Variants in RALGPS2 observed in about 807,000 individuals in gnomAD.
The protein encoded by RALGPS2 is ras-specific guanine nucleotide-releasing factor RalGPS2.
In RALGPS2, 43 loss-of-function variants were observed where a neutral mutation model predicts 86.8. The observed-to-expected ratio is 0.50, with a 90% CI of 0.39 to 0.64. The LOEUF (loss-of-function observed/expected upper bound fraction) is 0.64, where lower values mean the gene tolerates loss of function less well. Among genes scored for constraint, RALGPS2 ranks in the 30% least tolerant of loss-of-function variants. The pLI, the probability that RALGPS2 is intolerant of heterozygous loss-of-function variation, is 0.00. For missense variants in RALGPS2, 536 were observed against 694.6 expected, an observed-to-expected ratio of 0.77 and a Z score of 2.57; for synonymous variants, 243 against 231.3, an observed-to-expected ratio of 1.05 and a Z score of -0.46.
intron 17 of RALGPS2, among the ~76,000 whole-genome samples, 174 bp from the exon 18 acceptor site, chr1:178,901,932 G>T (rs1448191781): frequency 2.0e-5 from 3 of 152,046 alleles, no homozygotes; most frequent in African/African-American, 7.2e-5. Context: ...TCTGAAGAAG[G>T]CATGCCTAGG....
chr1:178,880,270 A>G (rs1428386412), intron 10 of RALGPS2, among the ~76,000 whole-genome samples: 1 of 152,214 alleles, frequency 6.6e-6, no homozygotes, highest in Admixed American at 6.5e-5. Flanking sequence ...AATTTTGTAG[A>G]ACAGAATTAG....
At chr1:178,788,595 CA>C (rs1653782938) in intron 4 of RALGPS2, among the ~76,000 whole-genome samples, 1 of 151,946 alleles carries the variant, frequency 6.6e-6, no homozygotes, top group South Asian at 2.1e-4. Flanking sequence ...GTATTCCAGG[CA>C]AAGGGAAAGT....
At chr1:178,906,017 C>G (rs747863774) in intron 18 of RALGPS2, among the ~76,000 whole-genome samples, 1 of 152,024 alleles carries the variant, frequency 6.6e-6, no homozygotes, top group South Asian at 2.1e-4. Flanking sequence ...TACTGAATAG[C>G]TAGTGTTTAA....
intron 4 of RALGPS2, among the ~76,000 whole-genome samples, chr1:178,787,884 C>A (rs895129326): frequency 6.6e-6 from 1 of 152,118 alleles, no homozygotes; most frequent in African/African-American, 2.4e-5. Flanking sequence ...GCTTTTTTAC[C>A]CAGTAGCCAT....
chr1:178,908,214 C>A (rs141562253), intron 19 of RALGPS2, among the ~76,000 whole-genome samples: 1 of 152,298 alleles, frequency 6.6e-6, no homozygotes, highest in African/African-American at 2.4e-5. Flanking sequence ...TGGATTAATT[C>A]ACTTAATGGT....
In RALGPS2 at chr1:178,918,522, G is replaced by T. The variant is rs998911613; in HGVS notation, c.*2163G>T. On this transcript the variant is annotated 3_prime_UTR_variant, in exon 20 of 20. Transcript: ENST00000367635. ...AGTTTTGCCAAAGGGAGAGAGCTAA[G>T]CTGGAAGATGTTTTTGATACTTTCG... The T allele has an allele frequency of 6.6e-6, 1 of 152,114 alleles. No homozygotes were observed. Among genetic ancestry groups the T allele is most frequent in the African/African-American group, 2.4e-5 (1 of 41,446 alleles). 9.4% of individuals were successfully genotyped at this position (152,114 alleles called of 1,614,324 possible).
At chr1:178,776,265 G>C (rs1653078360) in intron 1 of RALGPS2, among the ~76,000 whole-genome samples, 1 of 152,120 alleles carries the variant, frequency 6.6e-6, no homozygotes, top group Non-Finnish European at 1.5e-5. Context: ...TAGATCACTA[G>C]CTGTGATAAG....
intron 8 of RALGPS2, among the ~76,000 whole-genome samples, chr1:178,872,325 A>C (rs1398244156): frequency 6.6e-6 from 1 of 152,236 alleles, no homozygotes. Context: ...TTGCAAACAC[A>C]AGGGCCTAGA....
intron 8 of RALGPS2, chr1:178,852,736 C>T: frequency 6.2e-7 from 1 of 1,613,710 alleles, no homozygotes; most frequent in Non-Finnish European, 8.5e-7. Context: ...ACCATTATGC[C>T]ACATCATAGA....
At chr1:178,747,279 C>G in intron 1 of RALGPS2, 1 of 1,517,414 alleles carries the variant, frequency 6.6e-7, no homozygotes, top group Admixed American at 1.7e-5. Context: ...AGAAATGAAG[C>G]TGGTGATTGA....
At chr1:178,741,441 G>C (rs1164318181) in intron 1 of RALGPS2, among the ~76,000 whole-genome samples, 2 of 152,256 alleles carry the variant, frequency 1.3e-5, no homozygotes, top group East Asian at 3.9e-4. Flanking sequence ...ATGAAGCTAA[G>C]GAGGAGGTCT....
chr1:178,916,464 G>C lies in RALGPS2; in HGVS notation c.*105G>C. Reference sequence around the variant, plus strand: ...CATCCTGTGCCAGGAAGAGCCCAGAGGCTCTGTCTCAGTCGTTGGAGTTCT... The same window carrying C: ...CATCCTGTGCCAGGAAGAGCCCAGACGCTCTGTCTCAGTCGTTGGAGTTCT... On this transcript the variant is annotated 3_prime_UTR_variant, in exon 20 of 20. Transcript: ENST00000367635. 9.1e-7 allele frequency: 1 copy of C among 1,099,396 alleles called. No homozygotes were observed. Among genetic ancestry groups the C allele is most frequent in the Non-Finnish European group, 1.3e-6 (1 of 764,626 alleles). The allele number at this position is 1,099,396 out of a possible 1,614,324, so 68.1% of individuals were successfully genotyped here. A position where few individuals can be genotyped will look rare whatever the true frequency, so the allele number is the denominator to read the frequency against.
chr1:178,857,125 G>A (rs1657641032), intron 8 of RALGPS2, among the ~76,000 whole-genome samples: 1 of 152,114 alleles, frequency 6.6e-6, no homozygotes, highest in South Asian at 2.1e-4. Context: ...TTCTTATGTG[G>A]GAGTGAGATG....
Position 178,920,330 on chromosome 1 carries a change from T to G in RALGPS2, c.*3971T>G, listed in dbSNP as rs1330993690. On this transcript the variant is annotated 3_prime_UTR_variant, in exon 20 of 20. Transcript: ENST00000367635. ...TTTTGCTTATTGAAAGCAATTTGAT[T>G]ACACCTATGTTTCAGGTTATAGTGG... The G allele has an allele frequency of 6.6e-6, 1 of 152,016 alleles. No individual in the cohort carries two copies. The highest frequency in any genetic ancestry group is 2.4e-5 in the African/African-American group (1 of 41,444). The allele number at this position is 152,016 out of a possible 1,614,324, so 9.4% of individuals were successfully genotyped here.
chr1:178,794,111 C>T (rs1234377538), intron 4 of RALGPS2, among the ~76,000 whole-genome samples: 2 of 151,962 alleles, frequency 1.3e-5, no homozygotes, highest in Non-Finnish European at 2.9e-5. Context: ...CCTTCCCTTT[C>T]CCTTCTTTCC....
At chr1:178,892,387 T>C in intron 15 of RALGPS2, 80 bp downstream of exon 15, 1 of 1,174,946 alleles carries the variant, frequency 8.5e-7, no homozygotes, top group Non-Finnish European at 1.2e-6. Flanking sequence ...GGTCTGACGT[T>C]ATTTCTTTTC....
intron 8 of RALGPS2, among the ~76,000 whole-genome samples, chr1:178,876,093 CATGCCAACCTTTT>C: frequency 6.6e-6 from 1 of 152,248 alleles, no homozygotes; most frequent in African/African-American, 2.4e-5. Flanking sequence ...AAAAGATTGC[CATGCCAACCTTTT>C]ATGTTAAGCA....
At chr1:178,882,627 C>G (rs1422852846) in intron 10 of RALGPS2, among the ~76,000 whole-genome samples, 1 of 152,162 alleles carries the variant, frequency 6.6e-6, no homozygotes, top group East Asian at 1.9e-4. Context: ...AAATTTCAGA[C>G]AGACTCCGCA....
chr1:178,738,070 C>T (rs975502484), intron 1 of RALGPS2, among the ~76,000 whole-genome samples: 6 of 151,808 alleles, frequency 4.0e-5, no homozygotes, highest in Non-Finnish European at 5.9e-5. Context: ...TGAGCCACCA[C>T]GCTTGACCAC....
Sources: gnomAD v4.1 joint callset for allele counts (sites outside exome capture counted in the v4.1 genomes callset) on GRCh38, gnomAD v4.1.1 for gene constraint, MANE v1.5 for transcripts, NCBI Gene and HGNC (gene_info 2026-07-23, HGNC 2026-07-21) for gene names.